Variants in RGS5 observed in about 807,000 individuals in gnomAD.
The protein encoded by RGS5 is regulator of G-protein signalling 5.
A neutral mutation model predicts 18.9 loss-of-function variants in RGS5; 20 were observed. The observed-to-expected ratio is 1.06, with a 90% CI of 0.74 to 1.54. The LOEUF is 1.54. Among genes scored for constraint, RGS5 ranks in the 40% most tolerant of loss-of-function variants. The probability of loss-of-function intolerance (pLI) is 0.00; values close to 1 mark genes in which losing one functional copy is unlikely to be tolerated. For synonymous variants in RGS5, 57 were observed against 76.2 expected (o/e 0.75, Z 1.31); for missense variants, 201 against 211.8 (o/e 0.95, Z 0.32).
intron 1 of RGS5, among the ~76,000 whole-genome samples, chr1:163,177,057 G>A (rs188774237): frequency 1.3e-5 from 2 of 152,344 alleles, no homozygotes; most frequent in Admixed American, 6.5e-5. Context: ...CTAGCAGGAC[G>A]CGTGCTAGAA....
At chr1:163,282,837 T>C (rs1226303115) in intron 2 of RGS5, among the ~76,000 whole-genome samples, 3 of 152,132 alleles carry the variant, frequency 2.0e-5, no homozygotes, top group African/African-American at 7.2e-5. Flanking sequence ...TGCACCCCCA[T>C]GTTTATTGCA....
chr1:163,149,561 T>C (rs1297380350), intron 4 of RGS5, among the ~76,000 whole-genome samples: 2 of 152,248 alleles, frequency 1.3e-5, no homozygotes, highest in Non-Finnish European at 2.9e-5. Context: ...TTCTGATACA[T>C]ATTTATCTGT....
intron 4 of RGS5, among the ~76,000 whole-genome samples, chr1:163,149,631 C>T (rs1240435856): frequency 6.6e-6 from 1 of 152,094 alleles, no homozygotes; most frequent in South Asian, 2.1e-4. Context: ...TGATAATTTG[C>T]AATGTATAAA....
chr1:163,310,574 C>CACA lies in RGS5; in HGVS notation c.-377-4246_-377-4245insTGT, dbSNP rs1649828171. ...TGGGCGACAGAGCAAGACTCCGTCTCAAAAAAAAAAAAAAAAAAAAGGCCT... is the reference window on the plus strand; with the variant it reads ...TGGGCGACAGAGCAAGACTCCGTCTCACAAAAAAAAAAAAAAAAAAAAAGGCCT... On this transcript the variant is annotated intron_variant, in intron 1 of 5. Coordinates refer to the RGS5 transcript ENST00000618415. 6.3e-5 allele frequency among the ~76,000 whole-genome samples: 4 copies of CACA among 63,614 alleles called. No homozygotes were observed. The Admixed American group carries it at 6.9e-4, about 11-fold the overall frequency. The allele number at this position is 63,614 out of a possible 152,430, so 41.7% of individuals were successfully genotyped here.
chr1:163,245,776 C>T (rs1483285935), intron 2 of RGS5, among the ~76,000 whole-genome samples: 2 of 152,196 alleles, frequency 1.3e-5, no homozygotes, highest in South Asian at 2.1e-4. Context: ...TAAAATGGCA[C>T]TTGATCCATT....
At chr1:163,169,642 T>C (rs545005714) in intron 1 of RGS5, among the ~76,000 whole-genome samples, 12 of 152,186 alleles carry the variant, frequency 7.9e-5, no homozygotes, top group Non-Finnish European at 1.8e-4. Context: ...CATGTGTTTT[T>C]TGGCTGCATA....
At chr1:163,183,992 T>G (rs1034028130) in intron 1 of RGS5, among the ~76,000 whole-genome samples, 1 of 152,198 alleles carries the variant, frequency 6.6e-6, no homozygotes, top group Non-Finnish European at 1.5e-5. Context: ...TCAGCATTCT[T>G]AGATGATTCC....
chr1:163,184,951 T>C (rs149746203), intron 1 of RGS5, among the ~76,000 whole-genome samples: 68 of 152,318 alleles, frequency 4.5e-4, no homozygotes, highest in African/African-American at 1.4e-3. Flanking sequence ...ACACCTCACT[T>C]AGCTTTTGTT....
At chr1:163,220,499 C>T (rs1019046797), upstream of RGS5, among the ~76,000 whole-genome samples, 3 of 152,128 alleles carry the variant, frequency 2.0e-5, no homozygotes, top group African/African-American at 7.2e-5. Flanking sequence ...ACATCTTTGA[C>T]AGTTTCAAAA....
chr1:163,162,859 G>A (rs182505473), intron 2 of RGS5: 16 of 152,250 alleles, frequency 1.1e-4, no homozygotes, highest in Admixed American at 8.5e-4. Context: ...CACCCAGCTC[G>A]AACTCTTGCA....
intron 2 of RGS5, among the ~76,000 whole-genome samples, chr1:163,254,514 T>C (rs919794792): frequency 6.6e-6 from 1 of 151,968 alleles, no homozygotes; most frequent in African/African-American, 2.4e-5. Context: ...TTCTTGTAAA[T>C]TTGTTGGAGT....
At chr1:163,258,704 G>A (rs1460905002) in intron 2 of RGS5, among the ~76,000 whole-genome samples, 1 of 151,820 alleles carries the variant, frequency 6.6e-6, no homozygotes, top group East Asian at 1.9e-4. Context: ...GTGTCTCTCT[G>A]TTGCCTAGGG....
intron 1 of RGS5, among the ~76,000 whole-genome samples, chr1:163,307,991 C>G (rs1187123351): frequency 2.0e-5 from 3 of 152,180 alleles, no homozygotes. Context: ...TTGTTCTTAA[C>G]TCCATGAACA....
rs116830189 is a variant in RGS5, at chr1:163,195,431, G to A, written c.44+7361C>T. ...GACTGTGGGGAATCAGGGGGCAAGG[G>A]TGAAAGGGGGATGAGGGATAAAAGA... On this transcript the variant is annotated intron_variant, in intron 1 of 4. Transcript: ENST00000313961. Among the ~76,000 whole-genome samples, 898 of 151,544 alleles carry A rather than the reference G, an allele frequency of 5.9e-3. 9 individuals carry two copies. The highest frequency in any genetic ancestry group is 0.021 in the African/African-American group (853 of 41,286).
At chr1:163,233,966 TCAGGCCATCTGGATGTATACGTG>T (rs1647551108) in intron 2 of RGS5, among the ~76,000 whole-genome samples, 2 of 152,272 alleles carry the variant, frequency 1.3e-5, no homozygotes, top group Non-Finnish European at 2.9e-5. Context: ...TTCAGTTGCT[TCAGGCCATCTGGATGTATACGTG>T]CAGGTCACAG....
chr1:163,249,025 A>G (rs779937489), intron 2 of RGS5, among the ~76,000 whole-genome samples: 1 of 152,222 alleles, frequency 6.6e-6, no homozygotes. Context: ...CCAGGGCAGA[A>G]AACACAAAAA....
rs552007591 is a variant in RGS5, at chr1:163,313,399, G to T, written c.-377-7070C>A. Reference sequence around the variant, plus strand: ...TAAGCTGTGAAATATTTAACACAAAGGAAGAAAACTGAGAGAGAACTTTAT... The same window carrying T: ...TAAGCTGTGAAATATTTAACACAAATGAAGAAAACTGAGAGAGAACTTTAT... On this transcript the variant is annotated intron_variant, in intron 1 of 5. Transcript: ENST00000618415. Among the ~76,000 whole-genome samples, 13 of 152,220 alleles carry T rather than the reference G, an allele frequency of 8.5e-5. No homozygotes were observed. The South Asian group carries it at 2.5e-3, about 29-fold the overall frequency.
At chr1:163,228,716 C>T (rs1647396099) in intron 2 of RGS5, among the ~76,000 whole-genome samples, 2 of 152,162 alleles carry the variant, frequency 1.3e-5, no homozygotes, top group African/African-American at 2.4e-5. Flanking sequence ...TCCAAACTTT[C>T]ATCCTCTACT....
At chr1:163,236,744 C>T (rs773277149) in intron 2 of RGS5, among the ~76,000 whole-genome samples, 19 of 152,004 alleles carry the variant, frequency 1.2e-4, no homozygotes, top group Non-Finnish European at 1.9e-4. Context: ...GGGTGGCTCA[C>T]GAGGTCAAGA....
Sources: allele counts gnomAD v4.1 joint callset (sites outside exome capture counted in the v4.1 genomes callset), GRCh38; gene constraint gnomAD v4.1.1; transcripts MANE v1.5; gene names NCBI Gene and HGNC (gene_info 2026-07-23, HGNC 2026-07-21).